PIK3R3: variants seen among roughly 807,000 people sequenced by gnomAD.
PIK3R3 encodes the protein phosphoinositide-3-kinase regulatory subunit 3, also known as phosphatidylinositol 3-kinase regulatory subunit gamma.
In PIK3R3, 64 loss-of-function variants were observed where a neutral mutation model predicts 62.9. The observed-to-expected ratio is 1.02, with a 90% CI of 0.83 to 1.25. The LOEUF is 1.25. PIK3R3 is among the 50% of genes most tolerant of loss of function. PIK3R3 has a pLI of 0.00. For synonymous variants in PIK3R3, 165 were observed against 189.0 expected (o/e 0.87, Z 1.04); for missense variants, 614 against 561.6 (o/e 1.09, Z -0.94).
chr1:46,160,704 G>A, the PIK3R3 span, among the ~76,000 whole-genome samples: 19 of 152,330 alleles, frequency 1.2e-4, no homozygotes, highest in Middle Eastern at 6.8e-3. Flanking sequence ...GAGAGAGGGC[G>A]TCTGTCCCAT....
intron 3 of PIK3R3, among the ~76,000 whole-genome samples, chr1:46,071,712 A>T (rs982588176): frequency 0.21 from 5,270 of 24,588 alleles, 1,089 homozygotes; most frequent in South Asian, 0.31. Context: ...AAAAAAAAAA[A>T]ATATATATAT....
intron 3 of PIK3R3, among the ~76,000 whole-genome samples, chr1:46,075,664 C>T (rs369522128): frequency 3.3e-5 from 5 of 151,906 alleles, no homozygotes; most frequent in East Asian, 1.9e-4. Context: ...ATTCCTGGTA[C>T]CAAATCTGTG....
intron 1 of PIK3R3, among the ~76,000 whole-genome samples, chr1:46,094,562 T>C (rs1651937592): frequency 6.6e-6 from 1 of 152,204 alleles, no homozygotes; most frequent in South Asian, 2.1e-4. Flanking sequence ...AGACAATGAT[T>C]AAACAAAATT....
chr1:46,076,030 T>C (rs1049077955), intron 3 of PIK3R3, among the ~76,000 whole-genome samples: 3 of 152,212 alleles, frequency 2.0e-5, no homozygotes, highest in Admixed American at 1.3e-4. Context: ...TTTCTTTTTG[T>C]TCTATCCTCA....
intron 1 of PIK3R3, among the ~76,000 whole-genome samples, chr1:46,120,952 T>C (rs1654623957): frequency 1.3e-5 from 2 of 152,210 alleles, no homozygotes; most frequent in African/African-American, 2.4e-5. Flanking sequence ...AGAGATACTT[T>C]TCCTCTTCTT....
intron 3 of PIK3R3, among the ~76,000 whole-genome samples, chr1:46,071,730 TAGAGAGAGAGAGAG>T (rs140765040): frequency 3.4e-5 from 2 of 59,046 alleles, no homozygotes; most frequent in African/African-American, 1.6e-4. Flanking sequence ...TATATATATA[TAGAGAGAGAGAGAG>T]AGAGAGAGAG....
At chr1:46,048,867 A>G (rs1346444660) in intron 7 of PIK3R3, among the ~76,000 whole-genome samples, 1 of 152,222 alleles carries the variant, frequency 6.6e-6, no homozygotes, top group Non-Finnish European at 1.5e-5. Context: ...CAAACCTATT[A>G]ACAATGCCAG....
chr1:46,115,853 T>C (rs757598155), intron 1 of PIK3R3, among the ~76,000 whole-genome samples: 17 of 152,184 alleles, frequency 1.1e-4, no homozygotes, highest in Non-Finnish European at 2.1e-4. Flanking sequence ...CTGGCCCTTA[T>C]TGTACAGATC....
At chr1:46,102,816 A>C (rs912155397) in intron 1 of PIK3R3, among the ~76,000 whole-genome samples, 39 of 149,492 alleles carry the variant, frequency 2.6e-4, no homozygotes, top group Non-Finnish European at 1.2e-4. Flanking sequence ...AAAAAAAAAA[A>C]AAAAAAAAAA....
At chr1:46,094,880 A>G (rs1651972185) in intron 1 of PIK3R3, among the ~76,000 whole-genome samples, 1 of 152,250 alleles carries the variant, frequency 6.6e-6, no homozygotes, top group East Asian at 1.9e-4. Context: ...ACGTTGAGAG[A>G]GAAAACTGTG....
chr1:46,117,930 C>T (rs948706172), intron 1 of PIK3R3, among the ~76,000 whole-genome samples: 1 of 151,812 alleles, frequency 6.6e-6, no homozygotes, highest in African/African-American at 2.4e-5. Flanking sequence ...TTTAATTAGC[C>T]AGGTGTGGTA....
chr1:46,046,750 G>T, intron 7 of PIK3R3, 125 bp from the exon 8 acceptor site: 3 of 631,060 alleles, frequency 4.8e-6, no homozygotes, highest in Non-Finnish European at 5.6e-6. Context: ...CCACAGAATG[G>T]GCAAAGATTT....
In PIK3R3 at chr1:46,067,277, T is replaced by TATATATATATATATATATATATATAA. The variant is rs368368491; in HGVS notation, c.315-187_315-186insTTATATATATATATATATATATATAT. 1.2e-4 allele frequency among the ~76,000 whole-genome samples: 18 copies of TATATATATATATATATATATATATAA among 147,312 alleles called. No homozygotes were observed. In the East Asian group the frequency reaches 2.2e-3, roughly 18 times the overall value. On this transcript the variant is annotated intron_variant, in intron 3 of 9. Transcript: ENST00000262741. ...ACATATATATATATATATATATATA[T>TATATATATATATATATATATATATAA]AATTCATTTTGCATTGTTTTGTCCA...
chr1:46,126,178 T>A (rs1000621908), intron 1 of PIK3R3, among the ~76,000 whole-genome samples: 2 of 152,086 alleles, frequency 1.3e-5, no homozygotes, highest in Admixed American at 1.3e-4. Context: ...TACAGGGGTG[T>A]TTTCCAGAGG....
chr1:46,098,993 C>T (rs1436571903), intron 1 of PIK3R3, among the ~76,000 whole-genome samples: 1 of 152,178 alleles, frequency 6.6e-6, no homozygotes, highest in Non-Finnish European at 1.5e-5. Flanking sequence ...AGCCACCCCA[C>T]CCAGCCTAGA....
At chr1:46,088,735 G>A (rs930599311) in intron 1 of PIK3R3, among the ~76,000 whole-genome samples, 1 of 152,028 alleles carries the variant, frequency 6.6e-6, no homozygotes, top group African/African-American at 2.4e-5. Flanking sequence ...AAAATTTTCA[G>A]AACTGAAGGA....
At chr1:46,059,316 A>G (rs981508747) in intron 6 of PIK3R3, among the ~76,000 whole-genome samples, 2 of 152,244 alleles carry the variant, frequency 1.3e-5, no homozygotes, top group African/African-American at 4.8e-5. Context: ...GGGTACCTAC[A>G]ACAGTACTTA....
intron 1 of PIK3R3, among the ~76,000 whole-genome samples, chr1:46,099,115 T>TAA (rs1652417331): frequency 6.6e-6 from 1 of 152,180 alleles, no homozygotes; most frequent in Admixed American, 6.5e-5. Context: ...CTGATGTGGT[T>TAA]AAAAACACTT....
At chr1:46,112,418 T>C (rs956975365) in intron 1 of PIK3R3, among the ~76,000 whole-genome samples, 1 of 152,190 alleles carries the variant, frequency 6.6e-6, no homozygotes, top group Non-Finnish European at 1.5e-5. Context: ...TATCCATACA[T>C]ATACCTTTAT....
Sources: gnomAD v4.1 joint callset for allele counts (sites outside exome capture counted in the v4.1 genomes callset) on GRCh38, gnomAD v4.1.1 for gene constraint, MANE v1.5 for transcripts, NCBI Gene and HGNC (gene_info 2026-07-23, HGNC 2026-07-21) for gene names.